The following ZNF827 variants were observed in gnomAD, a reference collection of about 807,000 sequenced individuals.
ZNF827 encodes zinc finger protein 827.
Under a neutral mutation model 102.4 loss-of-function variants are expected in ZNF827, and 13 were observed. The observed-to-expected ratio is 0.13, with a 90% CI of 0.08 to 0.20. The LOEUF is 0.20. Among genes scored for constraint, ZNF827 ranks in the 10% least tolerant of loss-of-function variants. ZNF827 has a pLI of 1.00. For missense variants in ZNF827, 1,103 were observed against 1,344.4 expected, an observed-to-expected ratio of 0.82 and a Z score of 2.81; for synonymous variants, 523 against 536.2, an observed-to-expected ratio of 0.98 and a Z score of 0.34.
At chr4:145,907,202 T>A in intron 1 of ZNF827, 1 of 456,590 alleles carries the variant, frequency 2.2e-6, no homozygotes, top group South Asian at 1.5e-5. Flanking sequence ...CTCCCACTTT[T>A]TTTTTCTTCT....
chr4:145,875,960 C>T (rs958317407), intron 4 of ZNF827, among the ~76,000 whole-genome samples: 1 of 152,190 alleles, frequency 6.6e-6, no homozygotes, highest in Admixed American at 6.5e-5. Flanking sequence ...GCATCATCCA[C>T]TGCATTATAT....
chr4:145,905,689 T>C (rs189483103), intron 1 of ZNF827, among the ~76,000 whole-genome samples: 26 of 152,328 alleles, frequency 1.7e-4, no homozygotes, highest in Admixed American at 1.6e-3. Flanking sequence ...GCTAATTTTA[T>C]GTTTCTTTGG....
rs757752627 is a variant in ZNF827 at position 145,903,069 on chromosome 4, A to C, written c.190T>G (p.Ser64Ala). 2 of 1,614,156 alleles carry C rather than the reference A, an allele frequency of 1.2e-6. No homozygotes were observed. Among genetic ancestry groups the C allele is most frequent in the Non-Finnish European group, 1.7e-6 (2 of 1,180,032 alleles). The change falls in exon 2 of 15, where the codon TCC (serine) becomes GCC (alanine). Residue 64 changes from serine to alanine, a missense_variant. Physicochemically the swap from Ser to Ala is moderately conservative, Grantham distance 99 (BLOSUM62 1). Transcript: ENST00000508784. ...CCCAAGGAGGTGTCCGGGGACGTGG[A>C]CTGCTCCTGGATCCGGTCCTCCAGA... is the stretch of plus-strand genomic sequence containing the variant. Reference protein sequence around the residue: ...LSLEDRIQEQSTSPDTSLGST... With the variant: ...LSLEDRIQEQATSPDTSLGST...
chr4:145,890,385 G>T (rs945343819), intron 3 of ZNF827, among the ~76,000 whole-genome samples: 1 of 152,074 alleles, frequency 6.6e-6, no homozygotes, highest in African/African-American at 2.4e-5. Flanking sequence ...GACCCACAAA[G>T]CCCTTGCAGC....
chr4:145,834,793 C>T (rs1744635941), intron 7 of ZNF827, among the ~76,000 whole-genome samples: 1 of 152,052 alleles, frequency 6.6e-6, no homozygotes, highest in East Asian at 1.9e-4. Flanking sequence ...AATCTGCTAC[C>T]GACATTAAAT....
chr4:145,823,539 G>T lies in ZNF827; in HGVS notation c.2280-14C>A. 1 of 1,574,384 alleles carries T rather than the reference G, an allele frequency of 6.4e-7. No homozygotes were observed. The highest frequency in any genetic ancestry group is 1.1e-5 in the South Asian group (1 of 90,234). On this transcript the variant is annotated splice_polypyrimidine_tract_variant and intron_variant, in intron 7 of 14. Transcript: ENST00000508784. Reference sequence around the variant, plus strand: ...GAAAAGAAAGGGCTGGGGTGGGGGAGGGGGAGTGAAGTTTAGTAAATTAAA... The same window carrying T: ...GAAAAGAAAGGGCTGGGGTGGGGGATGGGGAGTGAAGTTTAGTAAATTAAA...
intron 8 of ZNF827, among the ~76,000 whole-genome samples, chr4:145,780,390 C>G (rs994840239): frequency 2.0e-5 from 3 of 152,194 alleles, no homozygotes; most frequent in Non-Finnish European, 2.9e-5. Context: ...AACTACCACA[C>G]GCTGTGCCAC....
At chr4:145,868,320 C>T (rs1280967614) in intron 5 of ZNF827, among the ~76,000 whole-genome samples, 1 of 152,092 alleles carries the variant, frequency 6.6e-6, no homozygotes, top group African/African-American at 2.4e-5. Flanking sequence ...ATCTCTTTGA[C>T]CTAAGTCTTT....
intron 1 of ZNF827, among the ~76,000 whole-genome samples, chr4:145,912,129 T>A (rs1298765456): frequency 6.6e-6 from 1 of 152,182 alleles, no homozygotes; most frequent in African/African-American, 2.4e-5. Flanking sequence ...CCAAAAATTA[T>A]CAAAGTGCCA....
At chr4:145,805,160 T>C (rs1204022555) in intron 8 of ZNF827, among the ~76,000 whole-genome samples, 22 of 150,914 alleles carry the variant, frequency 1.5e-4, no homozygotes, top group Admixed American at 1.1e-3. Flanking sequence ...TGTGTGTGTG[T>C]GCATTTGTGT....
chr4:145,852,102 G>A (rs1174183056), intron 5 of ZNF827, among the ~76,000 whole-genome samples: 1 of 152,170 alleles, frequency 6.6e-6, no homozygotes, highest in Non-Finnish European at 1.5e-5. Flanking sequence ...GGAAGTCATT[G>A]TAAGGCCTGG....
Position 145,903,160 on chromosome 4 carries a change from A to G in ZNF827, c.99T>C (p.Tyr33=). Residue 33 remains tyrosine (Y), a synonymous_variant, in exon 2 of 15, where the codon TAT becomes TAC. Coordinates refer to ENST00000508784, the MANE Select transcript of ZNF827 (RefSeq NM_001306215.2). ...CTGACGGAGTCTCTGAAGAGTTTCC[A>G]TACCAGTGTTCTCCTTCACTGAGCT... ...EGELSEGEHW[Y]GNSSETPSEA... 6.2e-7 allele frequency: 1 copy of G among 1,614,164 alleles called. No individual in the cohort carries two copies. The highest frequency in any genetic ancestry group is 8.5e-7 in the Non-Finnish European group (1 of 1,180,008).
rs1156833251 is a variant in ZNF827, at chr4:145,763,495, G to A, written c.3231-373C>T. Among the ~76,000 whole-genome samples the A allele has an allele frequency of 6.6e-6, 1 of 152,166 alleles. No individual in the cohort carries two copies. On this transcript the variant is annotated intron_variant, in intron 13 of 14. Transcript: ENST00000508784. The surrounding 1 kb of genome is among the most constrained non-coding windows in gnomAD (Gnocchi z 4.6). Reference sequence around the variant, plus strand: ...TATTACACAGGGGACGGTTAGCACCGCACGGGAAGTGTCTGTACCAGCAAA... The same window carrying A: ...TATTACACAGGGGACGGTTAGCACCACACGGGAAGTGTCTGTACCAGCAAA...
chr4:145,823,484 G>A lies in ZNF827; in HGVS notation c.2321C>T (p.Thr774Ile). The A allele has an allele frequency of 6.2e-7, 1 of 1,608,628 alleles. No homozygotes were observed. The highest frequency in any genetic ancestry group is 8.5e-7 in the Non-Finnish European group (1 of 1,176,874). ...SEDTFRQSPF[T>I]SNSKELLPSD... ...GGGCAGCAGTTCTTTTGAATTGGAG[G>A]TGAATGGTGATTGTCTAAATGTGTC... Residue 774 changes from threonine to isoleucine, a missense_variant, in exon 8 of 15, where the codon ACC (threonine) becomes ATC (isoleucine). Around this residue, in one of 5 missense-constraint regions of ZNF827, gnomAD observed 243 missense variants for 251.6 expected, o/e 0.97. Coordinates refer to ENST00000508784, the MANE Select transcript of ZNF827 (RefSeq NM_001306215.2).
intron 8 of ZNF827, among the ~76,000 whole-genome samples, chr4:145,782,679 C>A (rs1210288050): frequency 5.3e-5 from 8 of 152,226 alleles, no homozygotes. Flanking sequence ...AGGCACAAAT[C>A]TCATCATGTC....
At chr4:145,852,623 A>G (rs1410010186) in intron 5 of ZNF827, among the ~76,000 whole-genome samples, 1 of 152,070 alleles carries the variant, frequency 6.6e-6, no homozygotes, top group Non-Finnish European at 1.5e-5. Flanking sequence ...GGATTTCTCA[A>G]CCTCGGTACT....
rs1429295555 is a variant in ZNF827 at position 145,758,451 on chromosome 4, C to T, written c.*3165G>A. 1 of 152,296 alleles carries T rather than the reference C, an allele frequency of 6.6e-6. No homozygotes were observed. The highest frequency in any genetic ancestry group is 1.9e-4 in the East Asian group (1 of 5,182). 9.4% of individuals were successfully genotyped at this position (152,296 alleles called of 1,614,324 possible). A position where few individuals can be genotyped will look rare whatever the true frequency, so the allele number is the denominator to read the frequency against. ...AACCTGCTGGTGCTTAAGTGTGATT[C>T]GCCTTTTCTACCAGCCTCTGTGGGA... On this transcript the variant is annotated 3_prime_UTR_variant, in exon 15 of 15. Coordinates refer to ENST00000508784, the MANE Select transcript of ZNF827 (RefSeq NM_001306215.2).
chr4:145,807,565 T>C (rs1472399929), intron 8 of ZNF827, among the ~76,000 whole-genome samples: 2 of 151,616 alleles, frequency 1.3e-5, no homozygotes, highest in Admixed American at 6.6e-5. Flanking sequence ...CAACGCCTCC[T>C]GGGTTCAAGC....
At chr4:145,805,790 G>A (rs549596788) in intron 8 of ZNF827, among the ~76,000 whole-genome samples, 108 of 151,930 alleles carry the variant, frequency 7.1e-4, no homozygotes, top group African/African-American at 2.4e-3. Context: ...TGTCACTTCC[G>A]CGGTCAAGCT....
Sources: allele counts gnomAD v4.1 joint callset (sites outside exome capture counted in the v4.1 genomes callset), GRCh38; gene constraint gnomAD v4.1.1; regional missense constraint gnomAD v4.1.1; non-coding constraint Gnocchi (gnomAD v3.1); transcripts MANE v1.5; gene names NCBI Gene and HGNC (gene_info 2026-07-23, HGNC 2026-07-21).